Variants in ZNF227 observed in about 807,000 individuals in gnomAD.
The protein encoded by ZNF227 is zinc finger protein 227.
In ZNF227, 12 loss-of-function variants were observed where a neutral mutation model predicts 13.2. The observed-to-expected ratio is 0.91, with a 90% CI of 0.58 to 1.47. The LOEUF is 1.47. Among genes scored for constraint, ZNF227 ranks in the 40% most tolerant of loss-of-function variants. The probability of loss-of-function intolerance (pLI) is 0.00; values close to 1 mark genes in which losing one functional copy is unlikely to be tolerated. For missense variants in ZNF227, 885 were observed against 967.5 expected (o/e 0.91, Z 1.13); for synonymous variants, 338 against 326.0 (o/e 1.04, Z -0.40).
chr19:44,234,816 G>T lies in ZNF227; in HGVS notation c.386G>T (p.Arg129Met), dbSNP rs1432635260. 3.7e-6 allele frequency: 6 copies of T among 1,614,054 alleles called. 1 individual carries two copies. In the Admixed American group the frequency reaches 1.0e-4, roughly 27 times the overall value. Residue 129 changes from arginine to methionine, a missense_variant, in exon 6 of 6, where the codon AGG (arginine) becomes ATG (methionine). Transcript: ENST00000313040. The part of the protein sequence containing the change: ...IWKQVASELT[R>M]CLQGKSSQLL... ...AAACAGGTTGCAAGTGAATTAACCA[G>T]GTGTCTTCAGGGGAAGAGTTCCCAG... is the stretch of plus-strand genomic sequence containing the variant.
intron 2 of ZNF227, among the ~76,000 whole-genome samples, chr19:44,216,589 G>A (rs1971900394): frequency 6.6e-6 from 1 of 152,150 alleles, no homozygotes; most frequent in Admixed American, 6.6e-5. Flanking sequence ...AAACCTCTCA[G>A]TCATTCCCTC....
At chr19:44,209,838 G>C (rs1338624797), upstream of ZNF227, among the ~76,000 whole-genome samples, 1 of 152,076 alleles carries the variant, frequency 6.6e-6, no homozygotes, top group African/African-American at 2.4e-5. Context: ...TGCCCACCTC[G>C]GCCTCCCAAA....
chr19:44,213,583 CTG>C (rs1015103216), intron 2 of ZNF227: 2 of 152,202 alleles, frequency 1.3e-5, no homozygotes, highest in Non-Finnish European at 2.9e-5. Flanking sequence ...CCTTTTCAGA[CTG>C]TGTGATCTTT....
At position 44,235,310 on chromosome 19, in the gene ZNF227, G is replaced by C; in HGVS notation, c.880G>C (p.Glu294Gln). The change falls in exon 6 of 6, where the codon GAG (glutamate) becomes CAG (glutamine). Residue 294 changes from glutamate (E) to glutamine (Q), a missense_variant. Coordinates refer to ENST00000313040, the MANE Select transcript of ZNF227 (RefSeq NM_182490.3). ...LRTHQRIHPG[E>Q]KLNRCHESGD... Reference sequence around the variant, plus strand: ...AACTCATCAGAGAATTCACCCAGGAGAGAAACTCAATAGATGTCATGAATC... The same window carrying C: ...AACTCATCAGAGAATTCACCCAGGACAGAAACTCAATAGATGTCATGAATC... 1 of 1,614,164 alleles carries C rather than the reference G, an allele frequency of 6.2e-7. No homozygotes were observed. Among genetic ancestry groups the C allele is most frequent in the East Asian group, 2.2e-5 (1 of 44,878 alleles).
At chr19:44,218,481 AG>A (rs1430429864) in intron 3 of ZNF227, among the ~76,000 whole-genome samples, 1 of 152,256 alleles carries the variant, frequency 6.6e-6, no homozygotes, top group Non-Finnish European at 1.5e-5. Context: ...GAACATCTAA[AG>A]AATGACATGG....
chr19:44,231,518 A>G (rs1231226001), intron 5 of ZNF227, among the ~76,000 whole-genome samples: 1 of 152,084 alleles, frequency 6.6e-6, no homozygotes, highest in Non-Finnish European at 1.5e-5. Flanking sequence ...TTTTTAGTAG[A>G]GATGGGGTTT....
At chr19:44,208,496 C>A (rs757832910), upstream of ZNF227, among the ~76,000 whole-genome samples, 3 of 152,182 alleles carry the variant, frequency 2.0e-5, no homozygotes, top group Non-Finnish European at 4.4e-5. Flanking sequence ...ACAAATACTT[C>A]TAGGTTGTAA....
Position 44,235,280 on chromosome 19 carries a change from C to G in ZNF227, c.850C>G (p.Leu284Val). Residue 284 changes from leucine (L) to valine (V), a missense_variant, in exon 6 of 6, where the codon CTG becomes GTG. Transcript: ENST00000313040. Reference protein sequence around the residue: ...GEKCFSQSSHLRTHQRIHPGE... With the variant: ...GEKCFSQSSHVRTHQRIHPGE... ...AAAATGCTTCAGTCAAAGCTCACAT[C>G]TGCGAACTCATCAGAGAATTCACCC... The G allele has an allele frequency of 1.2e-6, 2 of 1,614,094 alleles. No homozygotes were observed. The highest frequency in any genetic ancestry group is 1.7e-6 in the Non-Finnish European group (2 of 1,180,004).
intron 5 of ZNF227, among the ~76,000 whole-genome samples, chr19:44,233,076 G>A (rs573184632): frequency 1.3e-5 from 2 of 152,144 alleles, no homozygotes; most frequent in African/African-American, 4.8e-5. Context: ...GCCATATCCA[G>A]AAATGTGTAG....
rs1171599791 is a variant in ZNF227 at position 44,235,787 on chromosome 19, T to C, written c.1357T>C (p.Cys453Arg). ...KGFSHNSPLI[C>R]HRRVHTGEKP... ...CTTCAGCCACAATTCACCATTAATA[T>C]GCCATCGGAGAGTCCACACAGGAGA... Residue 453 changes from cysteine (C) to arginine (R), a missense_variant, in exon 6 of 6, where the codon TGC becomes CGC. Transcript: ENST00000313040. 6.2e-7 allele frequency: 1 copy of C among 1,611,280 alleles called. No individual in the cohort carries two copies. Among genetic ancestry groups the C allele is most frequent in the East Asian group, 2.2e-5 (1 of 44,612 alleles).
intron 3 of ZNF227, among the ~76,000 whole-genome samples, chr19:44,223,939 C>T (rs181697716): frequency 2.2e-4 from 33 of 151,994 alleles, no homozygotes; most frequent in African/African-American, 6.3e-4. Context: ...GCTTTGAATG[C>T]GTCCCAGAGA....
intron 4 of ZNF227, chr19:44,229,195 A>G (rs2122867229): frequency 6.6e-6 from 1 of 152,590 alleles, no homozygotes; most frequent in South Asian, 2.1e-4. Context: ...ACAGCATTGC[A>G]AATGTGATGA....
At chr19:44,226,758 C>T (rs1208623069) in intron 3 of ZNF227, among the ~76,000 whole-genome samples, 1 of 152,168 alleles carries the variant, frequency 6.6e-6, no homozygotes, top group East Asian at 1.9e-4. Flanking sequence ...TGCTTTGGCT[C>T]ACACCCAGTG....
intron 5 of ZNF227, among the ~76,000 whole-genome samples, chr19:44,231,731 G>A (rs1220887943): frequency 6.6e-6 from 1 of 152,184 alleles, no homozygotes; most frequent in Non-Finnish European, 1.5e-5. Flanking sequence ...CATAGATTGA[G>A]AGCACACCAG....
chr19:44,229,471 G>A (rs1166368595), intron 4 of ZNF227, among the ~76,000 whole-genome samples: 1 of 152,134 alleles, frequency 6.6e-6, no homozygotes, highest in African/African-American at 2.4e-5. Flanking sequence ...AATTAGCCGG[G>A]TGTGGTGGCA....
At chr19:44,234,553 A>G in intron 5 of ZNF227, 149 bp from the exon 6 acceptor site, 1 of 715,764 alleles carries the variant, frequency 1.4e-6, no homozygotes, top group Non-Finnish European at 2.2e-6. Flanking sequence ...AAACATGTCA[A>G]AAGAATACAC....
intron 3 of ZNF227, among the ~76,000 whole-genome samples, chr19:44,219,238 C>T (rs1972199821): frequency 6.6e-6 from 1 of 151,244 alleles, no homozygotes; most frequent in Admixed American, 6.7e-5. Flanking sequence ...CATCCAGTTT[C>T]CATCTCAATT....
At chr19:44,210,839 A>G (rs540885175), upstream of ZNF227, among the ~76,000 whole-genome samples, 2 of 152,340 alleles carry the variant, frequency 1.3e-5, no homozygotes, top group African/African-American at 4.8e-5. Flanking sequence ...AGATATACTT[A>G]ACCTCTCTCT....
rs760011665 is a variant in ZNF227 at position 44,236,710 on chromosome 19, A to G, written c.2280A>G (p.Glu760=). 1.1e-5 allele frequency: 17 copies of G among 1,613,992 alleles called. No individual in the cohort carries two copies. The African/African-American group carries it at 1.9e-4, about 18-fold the overall frequency. ...GKGFSQSARL[E]AHQRVHTGEK... Reference sequence around the variant, plus strand: ...GCTTCAGTCAGAGTGCACGTCTTGAAGCCCATCAGAGAGTCCACACTGGAG... The same window carrying G: ...GCTTCAGTCAGAGTGCACGTCTTGAGGCCCATCAGAGAGTCCACACTGGAG... The change falls in exon 6 of 6, where the codon GAA becomes GAG. Residue 760 remains glutamate (E), a synonymous_variant. Coordinates refer to ENST00000313040, the MANE Select transcript of ZNF227 (RefSeq NM_182490.3).
Sources: allele counts gnomAD v4.1 joint callset (sites outside exome capture counted in the v4.1 genomes callset), GRCh38; gene constraint gnomAD v4.1.1; transcripts MANE v1.5; gene names NCBI Gene and HGNC (gene_info 2026-07-23, HGNC 2026-07-21).